Variants in KCND3 observed in about 807,000 individuals in gnomAD.
KCND3 encodes potassium voltage-gated channel subfamily D member 3, also known as A-type voltage-gated potassium channel KCND3.
Under a neutral mutation model 51.1 loss-of-function variants are expected in KCND3, and 9 were observed. The ratio of observed to expected loss-of-function variants is 0.18; its 90% CI spans 0.11 to 0.31. The LOEUF (loss-of-function observed/expected upper bound fraction) is 0.31. Ranked by LOEUF, KCND3 falls within the 10% of genes least tolerant of loss-of-function variation. The pLI is 1.00. For missense variants in KCND3, 526 were observed against 903.8 expected, an observed-to-expected ratio of 0.58 and a Z score of 5.36; for synonymous variants, 349 against 368.0, an observed-to-expected ratio of 0.95 and a Z score of 0.59.
chr1:111,894,789 T>TAGA (rs1670017634), intron 2 of KCND3, among the ~76,000 whole-genome samples: 1 of 152,202 alleles, frequency 6.6e-6, no homozygotes, highest in African/African-American at 2.4e-5. Context: ...GGAAGGCCTC[T>TAGA]GCCCTGTGCC....
chr1:111,944,895 G>A (rs1409985017), intron 2 of KCND3, among the ~76,000 whole-genome samples: 2 of 152,184 alleles, frequency 1.3e-5, no homozygotes, highest in Admixed American at 6.5e-5. Flanking sequence ...TGTCTTCACC[G>A]CCGCTCAGCC....
intron 2 of KCND3, among the ~76,000 whole-genome samples, chr1:111,815,498 G>A (rs1156405177): frequency 6.7e-6 from 1 of 149,818 alleles, no homozygotes; most frequent in Non-Finnish European, 1.5e-5. Context: ...GGTATCTGCT[G>A]GCTTCCTCAT....
At chr1:111,952,056 C>T (rs1673085624) in intron 2 of KCND3, among the ~76,000 whole-genome samples, 1 of 152,198 alleles carries the variant, frequency 6.6e-6, no homozygotes, top group South Asian at 2.1e-4. Flanking sequence ...TGCAATCAGC[C>T]AGGGCACATC....
intron 2 of KCND3, among the ~76,000 whole-genome samples, chr1:111,948,281 C>G (rs1281378416): frequency 6.6e-6 from 1 of 152,170 alleles, no homozygotes; most frequent in African/African-American, 2.4e-5. Flanking sequence ...GTGCTGTTCC[C>G]ATCTGTAAAT....
Position 111,982,614 on chromosome 1 carries a change from T to C in KCND3, c.113A>G (p.Gln38Arg). The C allele has an allele frequency of 1.2e-6, 2 of 1,613,972 alleles. No individual in the cohort carries two copies. Among genetic ancestry groups the C allele is most frequent in the Non-Finnish European group, 1.7e-6 (2 of 1,179,896 alleles). Residue 38 changes from glutamine to arginine, a missense_variant, in exon 2 of 8, where the codon CAG becomes CGG. Gln to Arg is a conservative substitution (Grantham distance 43). Coordinates refer to ENST00000302127, the MANE Select transcript of KCND3 (RefSeq NM_001378969.1). The surrounding 1 kb of genome is among the most constrained non-coding windows in gnomAD (Gnocchi z 8.5). ...PLAPADKNKR[Q>R]DELIVLNVSG... ...CACGTTGAGGACAATCAGCTCATCC[T>C]GCCGCTTGTTCTTGTCGGCCGGGGC...
intron 2 of KCND3, among the ~76,000 whole-genome samples, chr1:111,834,004 G>T (rs1308782310): frequency 1.3e-5 from 2 of 152,190 alleles, no homozygotes; most frequent in Admixed American, 6.5e-5. Context: ...ATCCAATCAG[G>T]TATGAAAATC....
chr1:111,968,818 G>A (rs920286148), intron 2 of KCND3, among the ~76,000 whole-genome samples: 11 of 152,144 alleles, frequency 7.2e-5, no homozygotes, highest in Non-Finnish European at 1.5e-4. Context: ...GGACTAGGAG[G>A]GGATCGGCTG....
chr1:111,835,616 C>T (rs930660909), intron 2 of KCND3, among the ~76,000 whole-genome samples: 1 of 152,202 alleles, frequency 6.6e-6, no homozygotes, highest in African/African-American at 2.4e-5. Flanking sequence ...CATTAGCATA[C>T]TAAAAGACAC....
rs116224880 is a variant in KCND3, at chr1:111,961,470, T to C, written c.1106+20151A>G. On this transcript the variant is annotated intron_variant, in intron 2 of 7. Transcript: ENST00000302127. ...CTCTTTGGCATCTGAAAGCCAGGGT[T>C]GACCTCTGCTTAGTGCAGGGGAGCA... Among the ~76,000 whole-genome samples the C allele has an allele frequency of 3.5e-3, 528 of 152,284 alleles. 4 individuals carry two copies. Among genetic ancestry groups the C allele is most frequent in the Admixed American group, 4.3e-3 (66 of 15,302 alleles).
chr1:111,819,247 GC>G (rs1666242652), intron 2 of KCND3, among the ~76,000 whole-genome samples: 2 of 152,128 alleles, frequency 1.3e-5, no homozygotes, highest in South Asian at 2.1e-4. Context: ...GACTGCTTCA[GC>G]TTTTGCATTT....
chr1:111,966,937 T>C (rs9429617), intron 2 of KCND3, among the ~76,000 whole-genome samples: 10,242 of 151,854 alleles, frequency 0.067, 495 homozygotes, highest in African/African-American at 0.15. Flanking sequence ...GATCAGGAGT[T>C]TGAGACCAGC....
rs3058881 is a variant in KCND3 at position 111,971,295 on chromosome 1, C to CA, written c.1106+10325dup. On this transcript the variant is annotated intron_variant, in intron 2 of 7. Transcript: ENST00000302127. ...TTTGTTTAATAATCATTGCAGGAGG[C>CA]AAAAAAAAAAAAAAAAACACCACAA... Among the ~76,000 whole-genome samples the CA allele has an allele frequency of 1.6e-3, 221 of 134,834 alleles. 1 individual carries two copies. Among genetic ancestry groups the CA allele is most frequent in the African/African-American group, 5.5e-3 (198 of 35,976 alleles). The allele number at this position is 134,834 out of a possible 152,430, so 88.5% of individuals were successfully genotyped here.
At chr1:111,794,651 C>T (rs1167717431) in intron 2 of KCND3, among the ~76,000 whole-genome samples, 1 of 152,106 alleles carries the variant, frequency 6.6e-6, no homozygotes, top group African/African-American at 2.4e-5. Context: ...GACTGGGCCA[C>T]CATAGTGTGT....
At chr1:111,911,380 T>G (rs1383210732) in intron 2 of KCND3, among the ~76,000 whole-genome samples, 2 of 152,222 alleles carry the variant, frequency 1.3e-5, no homozygotes, top group Non-Finnish European at 2.9e-5. Context: ...AAAGTATTTG[T>G]TGGGGCCTGG....
chr1:111,846,620 G>C (rs1231689775), intron 2 of KCND3, among the ~76,000 whole-genome samples: 1 of 152,146 alleles, frequency 6.6e-6, no homozygotes, highest in East Asian at 1.9e-4. Flanking sequence ...TCCTCATAAG[G>C]TTCTCACGAG....
intron 2 of KCND3, among the ~76,000 whole-genome samples, chr1:111,802,572 A>T (rs1457079249): frequency 1.3e-5 from 2 of 152,196 alleles, no homozygotes; most frequent in Non-Finnish European, 2.9e-5. Context: ...AATGGTTAAT[A>T]TGCACTCACA....
At chr1:111,871,023 T>C (rs920147855) in intron 2 of KCND3, among the ~76,000 whole-genome samples, 1 of 152,170 alleles carries the variant, frequency 6.6e-6, no homozygotes, top group African/African-American at 2.4e-5. Flanking sequence ...CTGGATCAAC[T>C]CTGTGACTGC....
intron 2 of KCND3, among the ~76,000 whole-genome samples, chr1:111,930,168 T>C (rs894243719): frequency 6.6e-6 from 1 of 152,118 alleles, no homozygotes; most frequent in Non-Finnish European, 1.5e-5. Context: ...TGTTTTTTTT[T>C]TTTCTAAGCA....
In KCND3 at chr1:111,780,091, T is replaced by C; in HGVS notation, c.1461+134A>G. 2 of 989,894 alleles carry C rather than the reference T, an allele frequency of 2.0e-6. No individual in the cohort carries two copies. Among genetic ancestry groups the C allele is most frequent in the Non-Finnish European group, 3.1e-6 (2 of 639,610 alleles). 61.3% of individuals were successfully genotyped at this position (989,894 alleles called of 1,614,324 possible). ...TCAGGGTCTTCCACCTGAGGGCCAG[T>C]AGATCCCATCACTACCTTTTGGATC... is the stretch of plus-strand genomic sequence containing the variant. On this transcript the variant is annotated intron_variant, in intron 5 of 7. Coordinates refer to ENST00000302127, the MANE Select transcript of KCND3 (RefSeq NM_001378969.1). The surrounding 1 kb of genome is among the most constrained non-coding windows in gnomAD (Gnocchi z 4.2).
Sources: gnomAD v4.1 joint callset for allele counts (sites outside exome capture counted in the v4.1 genomes callset) on GRCh38, gnomAD v4.1.1 for gene constraint, Gnocchi (gnomAD v3.1) non-coding constraint, MANE v1.5 for transcripts, NCBI Gene and HGNC (gene_info 2026-07-23, HGNC 2026-07-21) for gene names.